DMD: variants seen among roughly 807,000 people sequenced by gnomAD.
DMD encodes mutant dystrophin.
DMD carries 63 observed loss-of-function variants against 330.1 expected under a neutral mutation model. The ratio of observed to expected loss-of-function variants is 0.19; its 90% CI spans 0.16 to 0.24. The LOEUF is 0.24. Among genes scored for constraint, DMD ranks in the 10% least tolerant of loss-of-function variants. The pLI, the probability that DMD is intolerant of heterozygous loss-of-function variation, is 1.00. For missense variants in DMD, 3,344 were observed against 2,684.1 expected (o/e 1.25, Z -5.43); for synonymous variants, 1,223 against 959.8 (o/e 1.27, Z -5.07).
intron 1 of DMD, among the ~76,000 whole-genome samples, chrX:33,232,991 G>A (rs1169158994): frequency 9.0e-6 from 1 of 111,284 alleles, no homozygotes; most frequent in African/African-American, 3.3e-5. Flanking sequence ...TTAGGTAGGA[G>A]GAAGAAGCTT....
In DMD at chrX:32,464,569, T is replaced by C; in HGVS notation, c.3276+17A>G. 8.4e-6 allele frequency: 9 copies of C among 1,076,387 alleles called. No homozygotes were observed. Among genetic ancestry groups the C allele is most frequent in the Non-Finnish European group, 1.2e-5 (9 of 772,120 alleles). 88.7% of individuals were successfully genotyped at this position (1,076,387 alleles called of 1,213,427 possible). A position where few individuals can be genotyped will look rare whatever the true frequency, so the allele number is the denominator to read the frequency against. ...TACAAAATTATTCATATTAAAGGCA[T>C]CATATAAAAATCTTACTCTGCACTG... On this transcript the variant is annotated intron_variant, in intron 24 of 78. Transcript: ENST00000357033.
At chrX:32,959,270 G>A (rs914445958) in intron 2 of DMD, among the ~76,000 whole-genome samples, 3 of 111,282 alleles carry the variant, frequency 2.7e-5, no homozygotes, top group South Asian at 3.8e-4. Context: ...CATTCAGTGC[G>A]CAAAGTACAA....
At chrX:32,862,670 G>A (rs2082158131) in intron 2 of DMD, among the ~76,000 whole-genome samples, 1 of 111,578 alleles carries the variant, frequency 9.0e-6, no homozygotes, top group African/African-American at 3.3e-5. Context: ...TTTGTGGAAT[G>A]ATTACAATCC....
intron 63 of DMD, among the ~76,000 whole-genome samples, chrX:31,236,772 G>A (rs1569493083): frequency 8.9e-6 from 1 of 112,006 alleles, no homozygotes; most frequent in Non-Finnish European, 1.9e-5. Flanking sequence ...TAGAGTTAAT[G>A]AAATGTTCAT....
rs1406154512 is a variant in DMD, at chrX:32,731,034, G to A, written c.650-31741C>T. Among the ~76,000 whole-genome samples the A allele has an allele frequency of 4.5e-5, 5 of 111,500 alleles. No individual in the cohort carries two copies. The Admixed American group carries it at 4.7e-4, about 11-fold the overall frequency. On this transcript the variant is annotated intron_variant, in intron 7 of 78. Transcript: ENST00000357033. ...CTCACTAGGGAGTGCCAGACAGTGG[G>A]CGCAGCTCAGTGGGTGCGTGCACCG...
chrX:31,570,207 T>A (rs1194887761), intron 55 of DMD, among the ~76,000 whole-genome samples: 1 of 111,480 alleles, frequency 9.0e-6, no homozygotes, highest in Non-Finnish European at 1.9e-5. Context: ...ATTCTAGAAG[T>A]CTCTTAAGAT....
chrX:31,632,989 CTG>C (rs770704372), intron 54 of DMD, among the ~76,000 whole-genome samples: 3 of 111,734 alleles, frequency 2.7e-5, no homozygotes, highest in Non-Finnish European at 5.7e-5. Context: ...AAAACCAACT[CTG>C]TGGTTTTATC....
chrX:32,247,138 CAA>C (rs1316271601), intron 43 of DMD, among the ~76,000 whole-genome samples: 1 of 111,365 alleles, frequency 9.0e-6, no homozygotes, highest in East Asian at 2.8e-4. Flanking sequence ...TGAAAATCTT[CAA>C]AGACATATAT....
chrX:31,229,177 A>G (rs1463754827), intron 63 of DMD, among the ~76,000 whole-genome samples: 1 of 112,386 alleles, frequency 8.9e-6, no homozygotes, highest in Non-Finnish European at 1.9e-5. Context: ...TTTGCGTCAC[A>G]TATCTACATG....
At chrX:31,857,709 G>A (rs1178689161) in intron 48 of DMD, among the ~76,000 whole-genome samples, 1 of 110,306 alleles carries the variant, frequency 9.1e-6, no homozygotes, top group Non-Finnish European at 1.9e-5. Context: ...CAAACTGAAT[G>A]CATTTACACT....
At chrX:32,888,920 A>ATTT (rs776059565) in intron 2 of DMD, among the ~76,000 whole-genome samples, 2 of 106,905 alleles carry the variant, frequency 1.9e-5, no homozygotes, top group African/African-American at 6.8e-5. Context: ...GAAAATTATA[A>ATTT]TTTTTTTTTT....
intron 12 of DMD, among the ~76,000 whole-genome samples, chrX:32,605,069 C>A (rs1198790643): frequency 9.1e-6 from 1 of 110,372 alleles, no homozygotes; most frequent in Non-Finnish European, 1.9e-5. Context: ...CATAGAGAAT[C>A]AAAAAAGAGC....
At chrX:32,875,986 T>C (rs1361587615) in intron 2 of DMD, among the ~76,000 whole-genome samples, 1 of 111,765 alleles carries the variant, frequency 8.9e-6, no homozygotes, top group African/African-American at 3.3e-5. Context: ...TTAGTTGTGG[T>C]ATCTTGCCTA....
intron 9 of DMD, among the ~76,000 whole-genome samples, chrX:32,672,251 G>C (rs1487863536): frequency 9.1e-6 from 1 of 110,434 alleles, no homozygotes; most frequent in African/African-American, 3.3e-5. Context: ...CAGTCCCTTT[G>C]AAAGAAATCC....
At chrX:31,179,517 A>G (rs980037156) in intron 69 of DMD, among the ~76,000 whole-genome samples, 6 of 112,535 alleles carry the variant, frequency 5.3e-5, no homozygotes, top group African/African-American at 1.6e-4. Context: ...GCAAGCATGC[A>G]AAGTTTAGAG....
At chrX:32,549,971 A>G (rs758652284) in intron 16 of DMD, among the ~76,000 whole-genome samples, 2 of 112,752 alleles carry the variant, frequency 1.8e-5, no homozygotes, top group South Asian at 7.2e-4. Flanking sequence ...ACTACAAGTC[A>G]TGTATAACTT....
intron 52 of DMD, among the ~76,000 whole-genome samples, chrX:31,717,412 C>T (rs1342402150): frequency 1.8e-5 from 2 of 111,822 alleles, no homozygotes; most frequent in Non-Finnish European, 1.9e-5. Context: ...TCTTAAAGTA[C>T]GTTTGGCATG....
intron 57 of DMD, among the ~76,000 whole-genome samples, chrX:31,487,912 C>A (rs1296430305): frequency 1.8e-5 from 2 of 110,307 alleles, no homozygotes; most frequent in African/African-American, 6.6e-5. Context: ...TTTTAAAAAT[C>A]TAATTATAGT....
chrX:32,337,677 G>A lies in DMD; in HGVS notation c.5922+4423C>T, dbSNP rs993571627. ...GTTGCCATTATCTCGAATAAGTCTTGTTTTTATCTCCCTTTACATAGCATA... is the reference window on the plus strand; with the variant it reads ...GTTGCCATTATCTCGAATAAGTCTTATTTTTATCTCCCTTTACATAGCATA... On this transcript the variant is annotated intron_variant, in intron 41 of 78. Transcript: ENST00000357033. Among the ~76,000 whole-genome samples the A allele has an allele frequency of 7.3e-5, 8 of 110,130 alleles. No individual in the cohort carries two copies. In the East Asian group the frequency reaches 2.0e-3, roughly 27 times the overall value.
Sources: gnomAD v4.1 joint callset for allele counts (sites outside exome capture counted in the v4.1 genomes callset) on GRCh38, gnomAD v4.1.1 for gene constraint, MANE v1.5 for transcripts, NCBI Gene and HGNC (gene_info 2026-07-23, HGNC 2026-07-21) for gene names.